Variants in BBX observed in about 807,000 individuals in gnomAD.
The protein encoded by BBX is HMG box transcription factor BBX.
BBX carries 30 observed loss-of-function variants against 100.2 expected under a neutral mutation model. The ratio of observed to expected loss-of-function variants is 0.30; its 90% CI spans 0.22 to 0.41. BBX has a LOEUF of 0.41. Ranked by LOEUF, BBX falls within the 10% of genes least tolerant of loss-of-function variation. The pLI is 1.00. For synonymous variants in BBX, 376 were observed against 388.1 expected, an observed-to-expected ratio of 0.97 and a Z score of 0.37; for missense variants, 1,023 against 1,129.8, an observed-to-expected ratio of 0.91 and a Z score of 1.35.
chr3:107,751,234 G>A (rs942587599), intron 9 of BBX, among the ~76,000 whole-genome samples: 5 of 152,174 alleles, frequency 3.3e-5, no homozygotes, highest in African/African-American at 1.2e-4. Flanking sequence ...TCTCTTTTCA[G>A]AGGGATTCCT....
At chr3:107,674,269 G>A (rs1196392238) in intron 3 of BBX, among the ~76,000 whole-genome samples, 3 of 152,054 alleles carry the variant, frequency 2.0e-5, no homozygotes, top group Non-Finnish European at 4.4e-5. Context: ...AGTAAGTACC[G>A]TAACGCCTTC....
intron 10 of BBX, among the ~76,000 whole-genome samples, chr3:107,769,635 T>C (rs2107766272): frequency 6.6e-6 from 1 of 151,594 alleles, no homozygotes; most frequent in Middle Eastern, 3.4e-3. Flanking sequence ...AAAGTCTGTC[T>C]TCGAGTATCG....
At chr3:107,604,176 A>G (rs911759750) in intron 2 of BBX, among the ~76,000 whole-genome samples, 1 of 152,142 alleles carries the variant, frequency 6.6e-6, no homozygotes, top group Admixed American at 6.5e-5. Context: ...AACTATTCCC[A>G]GGTGTTTCTG....
intron 5 of BBX, 96 bp downstream of exon 5, chr3:107,716,945 T>C: frequency 7.1e-7 from 1 of 1,406,406 alleles, no homozygotes; most frequent in Non-Finnish European, 9.7e-7. Context: ...GGTCTAGCAA[T>C]GAGAAGGTGA....
In BBX at chr3:107,778,420, C is replaced by G; in HGVS notation, c.2104C>G (p.Gln702Glu). Residue 702 changes from glutamine to glutamate, a missense_variant, in exon 13 of 18, where the codon CAA becomes GAA. This residue lies in a region of BBX where 215 missense variants were observed against 211.3 expected (regional missense o/e 1.02). Transcript: ENST00000325805. Reference protein sequence around the residue: ...EFEKKFNSLPQYSPVTFDRKC... With the variant: ...EFEKKFNSLPEYSPVTFDRKC... The stretch of plus-strand genomic sequence containing the variant: ...TGAAAAAAAATTCAACAGCCTCCCT[C>G]AATATAGTCCTGTTACATTTGACCG... The G allele has an allele frequency of 6.2e-7, 1 of 1,613,408 alleles. No homozygotes were observed. The highest frequency in any genetic ancestry group is 1.7e-4 in the Middle Eastern group (1 of 6,056).
chr3:107,642,612 C>T (rs1270210047), intron 2 of BBX, among the ~76,000 whole-genome samples: 2 of 152,138 alleles, frequency 1.3e-5, no homozygotes, highest in African/African-American at 4.8e-5. Flanking sequence ...TGAAAGCAGT[C>T]ATTTAAAAAT....
intron 3 of BBX, among the ~76,000 whole-genome samples, chr3:107,655,437 G>A (rs1202699090): frequency 6.7e-6 from 1 of 150,034 alleles, no homozygotes; most frequent in Non-Finnish European, 1.5e-5. Context: ...ATAATTATTT[G>A]AACAAAACAA....
chr3:107,614,238 C>T (rs2055081162), intron 2 of BBX, among the ~76,000 whole-genome samples: 1 of 152,072 alleles, frequency 6.6e-6, no homozygotes, highest in Non-Finnish European at 1.5e-5. Flanking sequence ...GCGTGAGCCA[C>T]CGTGCCCTGC....
intron 5 of BBX, among the ~76,000 whole-genome samples, chr3:107,718,974 T>A (rs570734641): frequency 6.6e-6 from 1 of 152,240 alleles, no homozygotes; most frequent in African/African-American, 2.4e-5. Flanking sequence ...TTGTTTCATC[T>A]TACTTTCTAA....
At chr3:107,633,323 C>A (rs1260526249) in intron 2 of BBX, among the ~76,000 whole-genome samples, 1 of 151,926 alleles carries the variant, frequency 6.6e-6, no homozygotes, top group Non-Finnish European at 1.5e-5. Flanking sequence ...ATTATTAAAT[C>A]TTTTGATTTT....
intron 2 of BBX, among the ~76,000 whole-genome samples, chr3:107,577,246 G>A (rs558902815): frequency 2.6e-5 from 4 of 152,228 alleles, no homozygotes; most frequent in Admixed American, 6.5e-5. Context: ...GAAATGGATC[G>A]CTGATATGCC....
chr3:107,571,338 G>C (rs2051343683), intron 2 of BBX, among the ~76,000 whole-genome samples: 1 of 152,024 alleles, frequency 6.6e-6, no homozygotes, highest in African/African-American at 2.4e-5. Context: ...TGAAACATGG[G>C]TGAATAATCA....
intron 2 of BBX, among the ~76,000 whole-genome samples, chr3:107,636,474 T>G (rs865877000): frequency 2.0e-5 from 3 of 152,296 alleles, no homozygotes; most frequent in South Asian, 4.1e-4. Context: ...ACATGAGACT[T>G]GAAAGTTGAC....
At chr3:107,551,592 C>G (rs1007416673) in intron 2 of BBX, among the ~76,000 whole-genome samples, 2 of 152,196 alleles carry the variant, frequency 1.3e-5, no homozygotes, top group African/African-American at 4.8e-5. Flanking sequence ...CATCACCGAC[C>G]TCATTAATAG....
At chr3:107,610,854 A>T (rs1386108366) in intron 2 of BBX, among the ~76,000 whole-genome samples, 2 of 98,206 alleles carry the variant, frequency 2.0e-5, no homozygotes. Flanking sequence ...TTTACATCAC[A>T]TGTTATTATT....
At chr3:107,779,242 T>C (rs1464815527) in intron 13 of BBX, among the ~76,000 whole-genome samples, 1 of 151,664 alleles carries the variant, frequency 6.6e-6, no homozygotes, top group Non-Finnish European at 1.5e-5. Flanking sequence ...TCTCATCACC[T>C]GAGACCACTG....
Position 107,773,124 on chromosome 3 carries a change from C to T in BBX, c.1403C>T (p.Thr468Ile). ...KMDRHGNDKS[T>I]PKKTCKKRQS... ...GATCGACATGGAAATGATAAATCCACACCCAAGAAGACTTGCAAAAAGAGG... is the reference window on the plus strand; with the variant it reads ...GATCGACATGGAAATGATAAATCCATACCCAAGAAGACTTGCAAAAAGAGG... The change falls in exon 11 of 18, where the codon ACA (threonine) becomes ATA (isoleucine). Residue 468 changes from threonine to isoleucine, a missense_variant. This residue lies in a region of BBX where 348 missense variants were observed against 353.2 expected (regional missense o/e 0.99). Coordinates refer to ENST00000325805, the MANE Select transcript of BBX (RefSeq NM_001142568.3). This position sits in a 1 kb window ranked among gnomAD's most constrained non-coding sequence, Gnocchi z 4.1. 6.2e-7 allele frequency: 1 copy of T among 1,613,992 alleles called. No homozygotes were observed. Among genetic ancestry groups the T allele is most frequent in the Non-Finnish European group, 8.5e-7 (1 of 1,179,996 alleles).
intron 2 of BBX, among the ~76,000 whole-genome samples, chr3:107,592,435 A>G (rs1271501492): frequency 6.6e-6 from 1 of 151,896 alleles, no homozygotes; most frequent in Non-Finnish European, 1.5e-5. Context: ...TTTTAAAAAA[A>G]TCTTATAAAA....
chr3:107,628,008 T>A (rs1426720774), intron 2 of BBX, among the ~76,000 whole-genome samples: 1 of 152,080 alleles, frequency 6.6e-6, no homozygotes, highest in Non-Finnish European at 1.5e-5. Context: ...TCTGATTACA[T>A]CTGGTTATTT....
Sources: gnomAD v4.1 joint callset for allele counts (sites outside exome capture counted in the v4.1 genomes callset) on GRCh38, gnomAD v4.1.1 for gene constraint, gnomAD v4.1.1 regional missense constraint, Gnocchi (gnomAD v3.1) non-coding constraint, MANE v1.5 for transcripts, NCBI Gene and HGNC (gene_info 2026-07-23, HGNC 2026-07-21) for gene names.